Variants in FHL2 observed in about 807,000 individuals in gnomAD.
FHL2 encodes the protein four and a half LIM domains protein 2.
A neutral mutation model predicts 32.7 loss-of-function variants in FHL2; 20 were observed. That is an observed-to-expected ratio of 0.61 (90% CI 0.43 to 0.89). FHL2 has a LOEUF of 0.89. FHL2 is among the 40% of genes least tolerant of loss of function. The pLI, the probability that FHL2 is intolerant of heterozygous loss-of-function variation, is 0.00. For synonymous variants in FHL2, 123 were observed against 128.1 expected (o/e 0.96, Z 0.27); for missense variants, 311 against 358.6 (o/e 0.87, Z 1.07).
At chr2:105,362,569 G>A (rs1680345880) in intron 6 of FHL2, among the ~76,000 whole-genome samples, 2 of 152,126 alleles carry the variant, frequency 1.3e-5, no homozygotes, top group Non-Finnish European at 2.9e-5. Flanking sequence ...GAATGCAACG[G>A]GATTGCAAAT....
intron 2 of FHL2, among the ~76,000 whole-genome samples, chr2:105,394,403 A>G (rs1310920478): frequency 6.8e-6 from 1 of 146,576 alleles, no homozygotes; most frequent in Non-Finnish European, 1.5e-5. Context: ...CCCGGTCTCT[A>G]AAAAAAAAAA....
chr2:105,379,003 A>T (rs1681684476), intron 3 of FHL2, among the ~76,000 whole-genome samples: 2 of 152,136 alleles, frequency 1.3e-5, no homozygotes, highest in Non-Finnish European at 2.9e-5. Context: ...CATCTCTTGT[A>T]TCACTGTGGG....
intron 5 of FHL2, among the ~76,000 whole-genome samples, chr2:105,364,814 CAG>C (rs1407551640): frequency 1.5e-4 from 23 of 152,130 alleles, no homozygotes; most frequent in African/African-American, 4.8e-4. Context: ...AACTGAGACT[CAG>C]AGAAATTAAA....
At chr2:105,402,385 T>C (rs1683503159), upstream of FHL2, among the ~76,000 whole-genome samples, 1 of 152,020 alleles carries the variant, frequency 6.6e-6, no homozygotes, top group East Asian at 1.9e-4. Context: ...TAGCTGGGAC[T>C]ACAGGCATGT....
At chr2:105,401,094 G>A (rs1219757520), upstream of FHL2, among the ~76,000 whole-genome samples, 12 of 142,846 alleles carry the variant, frequency 8.4e-5, no homozygotes, top group Non-Finnish European at 4.5e-5. Context: ...GATCTTATTG[G>A]ATTCTAATCA....
At chr2:105,431,702 G>A (rs188344713) in intron 1 of FHL2, among the ~76,000 whole-genome samples, 60 of 152,314 alleles carry the variant, frequency 3.9e-4, no homozygotes, top group Non-Finnish European at 7.9e-4. Flanking sequence ...GGAACGTTTG[G>A]GAAAAGGAGA....
In FHL2 at chr2:105,431,013, T is replaced by C. The variant is rs1192350414; in HGVS notation, c.-25+7386A>G. Among the ~76,000 whole-genome samples, 3 of 152,342 alleles carry C rather than the reference T, an allele frequency of 2.0e-5. No homozygotes were observed. In the East Asian group the frequency reaches 5.8e-4, roughly 29 times the overall value. On this transcript the variant is annotated intron_variant, in intron 1 of 5. Coordinates refer to the FHL2 transcript ENST00000393352. ...GTCTTCCTTTCTCAAGCCTCCCATA[T>C]CACGAAATAAATTAGTTATGCTTTT...
intron 1 of FHL2, among the ~76,000 whole-genome samples, chr2:105,436,657 TA>T (rs969258126): frequency 1.6e-4 from 25 of 151,942 alleles, no homozygotes; most frequent in Middle Eastern, 3.4e-3. Context: ...GGTATTTTTT[TA>T]AAAAAAACGA....
At chr2:105,426,672 G>A (rs561200313) in intron 1 of FHL2, among the ~76,000 whole-genome samples, 1 of 152,332 alleles carries the variant, frequency 6.6e-6, no homozygotes, top group Middle Eastern at 3.4e-3. Flanking sequence ...AATGCAGAAG[G>A]GGGGCCAGGC....
At chr2:105,389,568 C>T (rs1573351705) in intron 2 of FHL2, among the ~76,000 whole-genome samples, 2 of 152,194 alleles carry the variant, frequency 1.3e-5, no homozygotes, top group East Asian at 3.8e-4. Context: ...AAGCTGGAAA[C>T]AAATCCCCAG....
At chr2:105,366,601 A>G (rs1680650139) in intron 5 of FHL2, among the ~76,000 whole-genome samples, 4 of 152,162 alleles carry the variant, frequency 2.6e-5, no homozygotes, top group African/African-American at 9.7e-5. Context: ...ACAGCAGAAA[A>G]CTAAGCTACA....
At chr2:105,366,777 G>A (rs1188309207) in intron 5 of FHL2, among the ~76,000 whole-genome samples, 3 of 152,064 alleles carry the variant, frequency 2.0e-5, no homozygotes, top group Non-Finnish European at 2.9e-5. Context: ...ATGGAGTCTC[G>A]CTCAGTCGCC....
intron 1 of FHL2, among the ~76,000 whole-genome samples, chr2:105,412,204 C>T (rs1331242706): frequency 3.9e-5 from 6 of 152,150 alleles, no homozygotes; most frequent in East Asian, 1.9e-4. Context: ...TAGGTGAATG[C>T]GTGAACAACA....
intron 1 of FHL2, among the ~76,000 whole-genome samples, chr2:105,397,893 T>TTTG (rs946062706): frequency 1.3e-5 from 2 of 151,598 alleles, no homozygotes; most frequent in South Asian, 2.1e-4. Context: ...TTTTTGTTTT[T>TTTG]TTTTGTCTAA....
intron 1 of FHL2, among the ~76,000 whole-genome samples, chr2:105,417,923 C>T (rs955520323): frequency 1.3e-5 from 2 of 152,054 alleles, no homozygotes; most frequent in Non-Finnish European, 2.9e-5. Context: ...CCCACCACAA[C>T]TTTTGTACCA....
chr2:105,438,414 T>C, exon 1 of FHL2: 4 of 985,536 alleles, frequency 4.1e-6, no homozygotes, highest in Non-Finnish European at 4.8e-6. Flanking sequence ...GTTTTAGGGT[T>C]CTGTCTTCTG....
intron 4 of FHL2, among the ~76,000 whole-genome samples, chr2:105,369,118 G>GA (rs770892944): frequency 2.6e-5 from 4 of 152,170 alleles, no homozygotes; most frequent in Non-Finnish European, 5.9e-5. Context: ...ATTTTTGAAG[G>GA]AAAAATGTTG....
At chr2:105,419,962 T>A (rs912285062) in intron 1 of FHL2, among the ~76,000 whole-genome samples, 1 of 152,054 alleles carries the variant, frequency 6.6e-6, no homozygotes, top group African/African-American at 2.4e-5. Context: ...AAGTGTTCAG[T>A]TGAGGGTGGG....
chr2:105,361,373 G>C lies in FHL2; in HGVS notation c.750C>G (p.Asn250Lys), dbSNP rs780524457. 5.6e-6 allele frequency: 9 copies of C among 1,614,020 alleles called. No homozygotes were observed. Among genetic ancestry groups the C allele is most frequent in the Non-Finnish European group, 5.9e-6 (7 of 1,179,960 alleles). ...EERQWHNDCF[N>K]CKKCSLSLVG... ...CCAGTGAGAGGGAGCACTTCTTACA[G>C]TTAAAGCAGTCGTTATGCCACTGCC... The change falls in exon 7 of 7, where the codon AAC (asparagine) becomes AAG (lysine). Residue 250 changes from asparagine (N) to lysine (K), a missense_variant. By Grantham distance (94) the Asn-to-Lys change is moderately conservative. Transcript: ENST00000530340.
Sources: gnomAD v4.1 joint callset for allele counts (sites outside exome capture counted in the v4.1 genomes callset) on GRCh38, gnomAD v4.1.1 for gene constraint, MANE v1.5 for transcripts, NCBI Gene and HGNC (gene_info 2026-07-23, HGNC 2026-07-21) for gene names.